Variants in OSBPL10 observed in about 807,000 individuals in gnomAD.
OSBPL10 encodes the protein oxysterol-binding protein-related protein 10.
A neutral mutation model predicts 81.7 loss-of-function variants in OSBPL10; 49 were observed. That is an observed-to-expected ratio of 0.60 (90% confidence interval 0.48 to 0.76). The LOEUF (loss-of-function observed/expected upper bound fraction) is 0.76, where lower values mean the gene tolerates loss of function less well. OSBPL10 is among the 30% of genes least tolerant of loss of function. The pLI is 0.00. For missense variants in OSBPL10, 923 were observed against 987.8 expected (o/e 0.93, Z 0.88); for synonymous variants, 419 against 383.6 (o/e 1.09, Z -1.08).
chr3:31,767,381 C>T (rs183006838), intron 4 of OSBPL10, among the ~76,000 whole-genome samples: 101 of 152,300 alleles, frequency 6.6e-4, no homozygotes, highest in African/African-American at 2.3e-3. Context: ...TTCTCACAAA[C>T]GGTGGCTTTG....
At chr3:31,982,472 T>G (rs772935815), upstream of OSBPL10, among the ~76,000 whole-genome samples, 138 of 152,224 alleles carry the variant, frequency 9.1e-4, 1 homozygote, top group Middle Eastern at 3.4e-3. Flanking sequence ...AATTACTAAA[T>G]GGAAAAGTCA....
chr3:31,667,282 A>G (rs1351389482), intron 10 of OSBPL10, among the ~76,000 whole-genome samples: 1 of 152,214 alleles, frequency 6.6e-6, no homozygotes, highest in Non-Finnish European at 1.5e-5. Flanking sequence ...GCTGCCCAAC[A>G]GGATGGACTG....
chr3:31,999,430 G>A (rs186740840), intron 2 of OSBPL10, among the ~76,000 whole-genome samples: 4 of 143,710 alleles, frequency 2.8e-5, no homozygotes, highest in African/African-American at 5.3e-5. Flanking sequence ...GCACAATCTC[G>A]GCTCACCACA....
In OSBPL10 at chr3:31,662,087, G is replaced by A. The variant is rs1466220620; in HGVS notation, c.2280C>T (p.Leu760=). The change falls in exon 12 of 12, where the codon CTC becomes CTT. Residue 760 remains leucine, a synonymous_variant. Transcript: ENST00000396556. The stretch of plus-strand genomic sequence containing the variant: ...CTCCACCCCATCAGTGTGCTTTCCA[G>A]AGGGGATTGAAGTATACCCAGCCAT... ...EGDGWVYFNP[L]WKAH 1.2e-6 allele frequency: 2 copies of A among 1,614,064 alleles called. No homozygotes were observed. Among genetic ancestry groups the A allele is most frequent in the South Asian group, 1.1e-5 (1 of 91,040 alleles).
chr3:31,717,794 C>T (rs369613534), intron 6 of OSBPL10, among the ~76,000 whole-genome samples: 33 of 152,184 alleles, frequency 2.2e-4, no homozygotes, highest in African/African-American at 6.3e-4. Flanking sequence ...CACATTATTC[C>T]GCTGCCATAA....
At chr3:31,928,036 T>C (rs1057077610) in intron 1 of OSBPL10, among the ~76,000 whole-genome samples, 2 of 152,152 alleles carry the variant, frequency 1.3e-5, no homozygotes, top group African/African-American at 2.4e-5. Context: ...GAAAATTCAG[T>C]GTGAACCACG....
intron 4 of OSBPL10, among the ~76,000 whole-genome samples, chr3:31,800,065 T>C (rs1228577166): frequency 6.6e-6 from 1 of 152,128 alleles, no homozygotes; most frequent in Non-Finnish European, 1.5e-5. Context: ...AAGGTTCTGT[T>C]TAGTGAAAGG....
intron 1 of OSBPL10, among the ~76,000 whole-genome samples, chr3:31,928,254 C>A (rs181562519): frequency 4.1e-4 from 62 of 152,256 alleles, no homozygotes; most frequent in African/African-American, 1.5e-3. Flanking sequence ...AAAATGGCAA[C>A]ACATAACCAA....
rs1697589620 is a variant in OSBPL10 at position 31,748,099 on chromosome 3, G to A, written c.751C>T (p.Gln251Ter). ...ATGGCGTGCACAAGGTTCTTCTGCTGCCCTTCCACCTGGTTCATCATCTAC... is the reference window on the plus strand; with the variant it reads ...ATGGCGTGCACAAGGTTCTTCTGCTACCCTTCCACCTGGTTCATCATCTAC... ...VREMMNQVEG[Q>*]QKNLVHAIES... Residue 251 changes from glutamine to a stop codon, truncating the protein, a stop_gained, in exon 5 of 12, where the codon CAG (glutamine) becomes TAG (stop). Transcript: ENST00000396556. LOFTEE classifies it high-confidence loss of function. 6.2e-7 allele frequency: 1 copy of A among 1,613,396 alleles called. No homozygotes were observed. The highest frequency in any genetic ancestry group is 1.3e-5 in the African/African-American group (1 of 74,920).
intron 5 of OSBPL10, among the ~76,000 whole-genome samples, chr3:31,743,051 T>C (rs28430765): frequency 6.8e-6 from 1 of 146,144 alleles, no homozygotes; most frequent in African/African-American, 2.5e-5. Context: ...TTTTTTTTTT[T>C]TTTTTTTTAG....
intron 3 of OSBPL10, among the ~76,000 whole-genome samples, chr3:31,853,470 G>C (rs76908007): frequency 3.9e-5 from 6 of 152,144 alleles, no homozygotes; most frequent in African/African-American, 1.4e-4. Flanking sequence ...ACAGGCAAGA[G>C]TGGTAGGGAA....
rs190932584 is a variant in OSBPL10, at chr3:31,836,064, G to A, written c.538-5833C>T. On this transcript the variant is annotated intron_variant, in intron 3 of 11. Transcript: ENST00000396556. Reference sequence around the variant, plus strand: ...AAGCTTAAACAGACCTAAAGTAGAAGTAAGATTCTTAAAACTGGGAAATTT... The same window carrying A: ...AAGCTTAAACAGACCTAAAGTAGAAATAAGATTCTTAAAACTGGGAAATTT... Among the ~76,000 whole-genome samples, 9 of 152,248 alleles carry A rather than the reference G, an allele frequency of 5.9e-5. No homozygotes were observed. In the South Asian group the frequency reaches 1.5e-3, roughly 25 times the overall value.
chr3:31,731,488 C>CTTT (rs202094117), intron 6 of OSBPL10, among the ~76,000 whole-genome samples: 6 of 142,306 alleles, frequency 4.2e-5, no homozygotes, highest in East Asian at 2.1e-4. Context: ...TTATTTCTTT[C>CTTT]TTTTTTTTTT....
Position 31,830,183 on chromosome 3 carries a change from T to A in OSBPL10, c.586A>T (p.Thr196Ser). ...CTACAGGGAGACGCAGAATTGGGTG[T>A]TCCATGTGGGAGCAAAGTGAGACTT... ...SRSLTLLPHG[T>S]PNSASPCSQR... Residue 196 changes from threonine to serine, a missense_variant, in exon 4 of 12, where the codon ACA becomes TCA. Thr to Ser is a moderately conservative substitution (Grantham distance 58). This residue lies in a region of OSBPL10 where 514 missense variants were observed against 508.0 expected (regional missense o/e 1.01). Coordinates refer to ENST00000396556, the MANE Select transcript of OSBPL10 (RefSeq NM_017784.5). 1 of 1,614,130 alleles carries A rather than the reference T, an allele frequency of 6.2e-7. No individual in the cohort carries two copies. The highest frequency in any genetic ancestry group is 1.1e-5 in the South Asian group (1 of 91,062).
chr3:31,859,368 C>T lies in OSBPL10; in HGVS notation c.537+17065G>A, dbSNP rs192852526. ...GCCCAGGGAGGGCGTAGAAGTTCCA[C>T]GCCCCTTCCCTTATACCTCACCCTA... On this transcript the variant is annotated intron_variant, in intron 3 of 11. Transcript: ENST00000396556. Among the ~76,000 whole-genome samples the T allele has an allele frequency of 1.3e-3, 199 of 152,330 alleles. 2 individuals are homozygous for T. The highest frequency in any genetic ancestry group is 4.6e-3 in the African/African-American group (190 of 41,572).
Position 31,739,546 on chromosome 3 carries a change from C to G in OSBPL10, c.941-6135G>C, listed in dbSNP as rs1053707502. ...TCCTGATCCAATTGGATTAGTGTCT[C>G]TGATAAAAGAGGAAGAGAGACCACT... On this transcript the variant is annotated intron_variant, in intron 5 of 11. Coordinates refer to ENST00000396556, the MANE Select transcript of OSBPL10 (RefSeq NM_017784.5). 2.0e-5 allele frequency among the ~76,000 whole-genome samples: 3 copies of G among 152,296 alleles called. No homozygotes were observed. In the South Asian group the frequency reaches 6.2e-4, roughly 32 times the overall value.
intron 7 of OSBPL10, among the ~76,000 whole-genome samples, chr3:31,685,349 C>T (rs1700764493): frequency 6.6e-6 from 1 of 152,162 alleles, no homozygotes; most frequent in African/African-American, 2.4e-5. Flanking sequence ...ACTACAGGCA[C>T]ATGCCACCAT....
intron 1 of OSBPL10, among the ~76,000 whole-genome samples, chr3:31,912,064 T>C (rs769382153): frequency 6.6e-6 from 1 of 152,116 alleles, no homozygotes; most frequent in South Asian, 2.1e-4. Flanking sequence ...TAAATTTTGT[T>C]ATGTATATTT....
intron 10 of OSBPL10, among the ~76,000 whole-genome samples, chr3:31,665,175 C>T (rs901049827): frequency 6.6e-6 from 1 of 152,126 alleles, no homozygotes; most frequent in Admixed American, 6.5e-5. Flanking sequence ...TCAGGATGTC[C>T]TTGGGACCAG....
Sources: gnomAD v4.1 joint callset for allele counts (sites outside exome capture counted in the v4.1 genomes callset) on GRCh38, gnomAD v4.1.1 for gene constraint, gnomAD v4.1.1 regional missense constraint, MANE v1.5 for transcripts, NCBI Gene and HGNC (gene_info 2026-07-23, HGNC 2026-07-21) for gene names.